The following MRPL18 variants were observed in gnomAD, a reference collection of about 807,000 sequenced individuals.
MRPL18 encodes large ribosomal subunit protein uL18m.
Under a neutral mutation model 20.9 loss-of-function variants are expected in MRPL18, and 16 were observed. That is an observed-to-expected ratio of 0.76 (90% CI 0.52 to 1.16). The LOEUF is 1.16. Among genes scored for constraint, MRPL18 ranks in the 50% most tolerant of loss-of-function variants. The pLI, the probability that MRPL18 is intolerant of heterozygous loss-of-function variation, is 0.00. For missense variants in MRPL18, 233 were observed against 230.6 expected, an observed-to-expected ratio of 1.01 and a Z score of -0.07; for synonymous variants, 91 against 87.1, an observed-to-expected ratio of 1.04 and a Z score of -0.25.
At chr6:159,796,118 C>A (rs975774695) in intron 2 of MRPL18, among the ~76,000 whole-genome samples, 3 of 130,520 alleles carry the variant, frequency 2.3e-5, no homozygotes, top group Non-Finnish European at 4.8e-5. Flanking sequence ...TTTCTTTTGA[C>A]TTCATTTTAC....
chr6:159,793,848 C>T (rs939406037), intron 2 of MRPL18, among the ~76,000 whole-genome samples: 1 of 151,628 alleles, frequency 6.6e-6, no homozygotes, highest in Non-Finnish European at 1.5e-5. Context: ...GGAGGCGGAG[C>T]TTGCAGTGAG....
At chr6:159,794,962 G>C (rs2115009713) in intron 2 of MRPL18, among the ~76,000 whole-genome samples, 1 of 152,344 alleles carries the variant, frequency 6.6e-6, no homozygotes, top group Non-Finnish European at 1.5e-5. Context: ...CAAGACAATA[G>C]TGGGGAGAGG....
rs1246997480 is a variant in MRPL18 at position 159,790,979 on chromosome 6, C to G, written c.92C>G (p.Ala31Gly). The change falls in exon 2 of 4, where the codon GCA becomes GGA. Residue 31 changes from alanine to glycine, a missense_variant. Ala to Gly is a moderately conservative substitution (Grantham distance 60). Coordinates refer to ENST00000367034, the MANE Select transcript of MRPL18 (RefSeq NM_014161.5). The part of the protein sequence containing the change: ...FAALSTSSEP[A>G]AKPEVDPVEN... ...GCCCTGTCAACCAGCTCCGAGCCGG[C>G]AGCGAAACCTGAAGTGGACCCTGTG... 11 of 1,614,062 alleles carry G rather than the reference C, an allele frequency of 6.8e-6. No homozygotes were observed. Among genetic ancestry groups the G allele is most frequent in the Non-Finnish European group, 9.3e-6 (11 of 1,180,036 alleles).
chr6:159,797,841 T>C (rs1192510156), intron 3 of MRPL18, among the ~76,000 whole-genome samples: 1 of 152,232 alleles, frequency 6.6e-6, no homozygotes, highest in Non-Finnish European at 1.5e-5. Flanking sequence ...CTTGTCCATA[T>C]AATATTTTGA....
chr6:159,797,178 A>T, intron 2 of MRPL18, 109 bp from the exon 3 acceptor site: 1 of 1,087,302 alleles, frequency 9.2e-7, no homozygotes, highest in Non-Finnish European at 1.3e-6. Context: ...GAAGTAAATG[A>T]ACCAAACACT....
chr6:159,796,178 TC>T (rs1387577411), intron 2 of MRPL18, among the ~76,000 whole-genome samples: 2 of 151,644 alleles, frequency 1.3e-5, no homozygotes, highest in Admixed American at 1.3e-4. Flanking sequence ...GTCCATCATT[TC>T]TTTTTTATGC....
intron 3 of MRPL18, 60 bp downstream of exon 3, chr6:159,797,578 A>G (rs1781062508): frequency 1.4e-6 from 2 of 1,479,054 alleles, no homozygotes; most frequent in South Asian, 2.3e-5. Context: ...GCATTAGATA[A>G]CTTACATAAT....
intron 1 of MRPL18, 91 bp downstream of exon 1, chr6:159,790,730 C>A (rs1252713950): frequency 3.9e-6 from 6 of 1,549,334 alleles, no homozygotes; most frequent in Non-Finnish European, 5.3e-6. Context: ...ATTCGACGTG[C>A]CGGATCGAAA....
In MRPL18 at chr6:159,797,208, A is replaced by G; in HGVS notation, c.240-79A>G. The G allele has an allele frequency of 6.3e-6, 8 of 1,263,428 alleles. No homozygotes were observed. In the South Asian group the frequency reaches 9.1e-5, roughly 14 times the overall value. 78.3% of individuals were successfully genotyped at this position (1,263,428 alleles called of 1,614,324 possible). A position where few individuals can be genotyped will look rare whatever the true frequency, so the allele number is the denominator to read the frequency against. On this transcript the variant is annotated intron_variant, in intron 2 of 3. Transcript: ENST00000367034. ...AACACTGGATTGTTGAAAAATATTT[A>G]GTCATTTATTCACCTCAATTAATGT...
At chr6:159,792,901 T>C (rs1246659891) in intron 2 of MRPL18, among the ~76,000 whole-genome samples, 3 of 152,218 alleles carry the variant, frequency 2.0e-5, no homozygotes, top group Non-Finnish European at 4.4e-5. Context: ...CCTCCCAGGC[T>C]CAAACGATTC....
chr6:159,791,208 G>A, intron 2 of MRPL18, 82 bp downstream of exon 2: 1 of 1,521,210 alleles, frequency 6.6e-7, no homozygotes, highest in South Asian at 1.2e-5. Flanking sequence ...CACTCTCCCA[G>A]GTAGCTGCCA....
At position 159,798,114 on chromosome 6, in the gene MRPL18, C is replaced by CT; in HGVS notation, c.535dup (p.Tyr179LeufsTer2). The CT allele has an allele frequency of 3.7e-6, 6 of 1,611,576 alleles. No homozygotes were observed. The highest frequency in any genetic ancestry group is 5.1e-6 in the Non-Finnish European group (6 of 1,177,926). On this transcript the variant is annotated frameshift_variant, in exon 4 of 4. Transcript: ENST00000367034. LOFTEE classifies it high-confidence loss of function. ...TGGTTCTACGGGAACCTCAGAGAAT[C>CT]TATGAATAAATGGAAGCATTAATTG...
intron 3 of MRPL18, 102 bp downstream of exon 3, chr6:159,797,620 A>G (rs1781065024): frequency 9.2e-7 from 1 of 1,084,918 alleles, no homozygotes; most frequent in Non-Finnish European, 1.3e-6. Context: ...AATACTTTCC[A>G]TGTGTCAGAC....
At chr6:159,790,413 C>CCTCTT, upstream of MRPL18, 2 of 745,392 alleles carry the variant, frequency 2.7e-6, no homozygotes, top group South Asian at 3.5e-5. Context: ...ATCGCCTTCT[C>CCTCTT]GGCCACTCAG....
At chr6:159,794,072 T>G (rs1267243105) in intron 2 of MRPL18, among the ~76,000 whole-genome samples, 1 of 152,246 alleles carries the variant, frequency 6.6e-6, no homozygotes, top group African/African-American at 2.4e-5. Flanking sequence ...CTTGACTTTT[T>G]AAAGGGTAAC....
chr6:159,797,448 A>T lies in MRPL18; in HGVS notation c.401A>T (p.Gln134Leu). 1 of 1,614,228 alleles carries T rather than the reference A, an allele frequency of 6.2e-7. No homozygotes were observed. The highest frequency in any genetic ancestry group is 8.5e-7 in the Non-Finnish European group (1 of 1,180,040). The change falls in exon 3 of 4, where the codon CAG becomes CTG. Residue 134 changes from glutamine to leucine, a missense_variant. Coordinates refer to ENST00000367034, the MANE Select transcript of MRPL18 (RefSeq NM_014161.5). ...ACESIGRVLA[Q>L]RCLEAGINFM... The stretch of plus-strand genomic sequence containing the variant: ...GAGAGTATAGGACGAGTGCTGGCAC[A>T]GAGATGCTTAGAGGCGGGAATCAAC...
At chr6:159,793,461 G>A (rs1434580082) in intron 2 of MRPL18, among the ~76,000 whole-genome samples, 1 of 152,138 alleles carries the variant, frequency 6.6e-6, no homozygotes, top group African/African-American at 2.4e-5. Flanking sequence ...GAACCTAGCT[G>A]TACCTACTCT....
intron 2 of MRPL18, among the ~76,000 whole-genome samples, chr6:159,794,538 CTGTA>C (rs1454673422): frequency 6.6e-6 from 1 of 152,216 alleles, no homozygotes; most frequent in African/African-American, 2.4e-5. Flanking sequence ...ATTTCAGTAA[CTGTA>C]TGGAATACTA....
intron 2 of MRPL18, among the ~76,000 whole-genome samples, chr6:159,793,080 G>T (rs1780942970): frequency 6.6e-6 from 1 of 151,764 alleles, no homozygotes; most frequent in African/African-American, 2.4e-5. Flanking sequence ...GCCTGATTCA[G>T]CCTCCCAAGG....
Sources: allele counts gnomAD v4.1 joint callset (sites outside exome capture counted in the v4.1 genomes callset), GRCh38; gene constraint gnomAD v4.1.1; transcripts MANE v1.5; gene names NCBI Gene and HGNC (gene_info 2026-07-23, HGNC 2026-07-21).